Variants in CTNNA3 observed in about 807,000 individuals in gnomAD.
CTNNA3 encodes catenin alpha 3.
CTNNA3 carries 76 observed loss-of-function variants against 95.7 expected under a neutral mutation model. That is an observed-to-expected ratio of 0.79 (90% CI 0.66 to 0.96). The LOEUF (loss-of-function observed/expected upper bound fraction) is 0.96, where lower values mean the gene tolerates loss of function less well. Ranked by LOEUF, CTNNA3 falls within the 40% of genes least tolerant of loss-of-function variation. The probability of loss-of-function intolerance (pLI) is 0.00; values close to 1 mark genes in which losing one functional copy is unlikely to be tolerated. For missense variants in CTNNA3, 1,191 were observed against 1,089.8 expected (o/e 1.09, Z -1.31); for synonymous variants, 431 against 374.4 (o/e 1.15, Z -1.74).
At chr10:67,567,659 G>C (rs187779611) in intron 3 of CTNNA3, among the ~76,000 whole-genome samples, 231 of 152,080 alleles carry the variant, frequency 1.5e-3, no homozygotes, top group Non-Finnish European at 2.5e-3. Context: ...CTATAGCCTC[G>C]GTAGTTATGC....
intron 17 of CTNNA3, among the ~76,000 whole-genome samples, chr10:65,936,628 A>G (rs2077342702): frequency 6.6e-6 from 1 of 152,066 alleles, no homozygotes; most frequent in Non-Finnish European, 1.5e-5. Flanking sequence ...AAGGATCTCA[A>G]ATGCAAGCCA....
chr10:67,015,888 T>TG (rs1852625315), intron 7 of CTNNA3, among the ~76,000 whole-genome samples: 1 of 152,156 alleles, frequency 6.6e-6, no homozygotes, highest in Non-Finnish European at 1.5e-5. Context: ...CTAGTATCTA[T>TG]GCTTGTGACT....
intron 9 of CTNNA3, among the ~76,000 whole-genome samples, chr10:66,646,140 A>G (rs1845699950): frequency 6.6e-6 from 1 of 152,232 alleles, no homozygotes; most frequent in African/African-American, 2.4e-5. Flanking sequence ...AATGAAATTA[A>G]AGAAAGAAAC....
chr10:66,369,509 T>C (rs2092737077), intron 12 of CTNNA3, among the ~76,000 whole-genome samples: 1 of 152,188 alleles, frequency 6.6e-6, no homozygotes, highest in Admixed American at 6.6e-5. Flanking sequence ...TACAGTTTTT[T>C]TGTTTTTCTA....
At chr10:67,076,209 T>C (rs1856740110) in intron 7 of CTNNA3, among the ~76,000 whole-genome samples, 1 of 152,222 alleles carries the variant, frequency 6.6e-6, no homozygotes, top group Admixed American at 6.5e-5. Flanking sequence ...GCACTTAAAA[T>C]AACTGCACTC....
intron 2 of CTNNA3, among the ~76,000 whole-genome samples, chr10:67,646,759 TTG>T (rs1839726462): frequency 6.6e-6 from 1 of 152,042 alleles, no homozygotes; most frequent in Non-Finnish European, 1.5e-5. Flanking sequence ...CCCTCACAAA[TTG>T]TGGGTTAATG....
In CTNNA3 at chr10:66,286,588, G is replaced by C. The variant is rs2091593087; in HGVS notation, c.1733-5967C>G. Reference sequence around the variant, plus strand: ...AGCAAAATGCTGCTCAGTACTCAGAGGGTATCCTGAACTAGAGGAACAGGG... The same window carrying C: ...AGCAAAATGCTGCTCAGTACTCAGACGGTATCCTGAACTAGAGGAACAGGG... On this transcript the variant is annotated intron_variant, in intron 12 of 17. Coordinates refer to ENST00000433211, the MANE Select transcript of CTNNA3 (RefSeq NM_013266.4). 2.6e-5 allele frequency among the ~76,000 whole-genome samples: 4 copies of C among 152,022 alleles called. No homozygotes were observed. In the South Asian group the frequency reaches 8.3e-4, roughly 31 times the overall value.
At chr10:66,427,234 G>T (rs2132653637) in intron 11 of CTNNA3, among the ~76,000 whole-genome samples, 1 of 152,104 alleles carries the variant, frequency 6.6e-6, no homozygotes, top group East Asian at 1.9e-4. Flanking sequence ...CCACATTGGA[G>T]CCCAGGATAC....
At chr10:67,613,629 GC>G (rs60385545) in intron 2 of CTNNA3, among the ~76,000 whole-genome samples, 13,343 of 150,870 alleles carry the variant, frequency 0.088, 1,356 homozygotes, top group African/African-American at 0.25. Context: ...GTCTTTTTTT[GC>G]CCCCCCCAAC....
At chr10:66,046,399 G>A (rs1241520975) in intron 15 of CTNNA3, among the ~76,000 whole-genome samples, 2 of 152,150 alleles carry the variant, frequency 1.3e-5, no homozygotes, top group Admixed American at 6.6e-5. Flanking sequence ...AGTAGCTGCA[G>A]GTCCAGCAAA....
chr10:66,101,182 C>T (rs1291657785), intron 14 of CTNNA3, among the ~76,000 whole-genome samples: 2 of 152,126 alleles, frequency 1.3e-5, no homozygotes, highest in African/African-American at 4.8e-5. Flanking sequence ...GTGATCTCTA[C>T]CAATGATGCC....
intron 5 of CTNNA3, among the ~76,000 whole-genome samples, chr10:67,309,462 A>C (rs1195793991): frequency 6.6e-6 from 1 of 152,180 alleles, no homozygotes; most frequent in African/African-American, 2.4e-5. Context: ...AGGAGAAAAA[A>C]TGATGTGGAC....
intron 11 of CTNNA3, among the ~76,000 whole-genome samples, chr10:66,416,652 A>C (rs2093148730): frequency 6.6e-6 from 1 of 152,026 alleles, no homozygotes; most frequent in Non-Finnish European, 1.5e-5. Flanking sequence ...AGAGAATGGG[A>C]TAATGTATTC....
chr10:66,702,138 TA>T (rs143358471), intron 9 of CTNNA3, among the ~76,000 whole-genome samples: 3 of 147,074 alleles, frequency 2.0e-5, no homozygotes, highest in African/African-American at 5.0e-5. Context: ...ATTTACACAG[TA>T]AAAAAAAAAC....
chr10:66,534,485 T>C (rs1486738337), intron 10 of CTNNA3, among the ~76,000 whole-genome samples: 53 of 13,922 alleles, frequency 3.8e-3, no homozygotes, highest in Middle Eastern at 0.062. Flanking sequence ...TATATATATA[T>C]ATATATATAT....
chr10:66,154,681 G>T (rs1455262046), intron 13 of CTNNA3, among the ~76,000 whole-genome samples: 8 of 109,766 alleles, frequency 7.3e-5, no homozygotes, highest in Non-Finnish European at 1.3e-4. Flanking sequence ...GTAGTTTCTG[G>T]CAATCATCTT....
At chr10:66,819,092 TAA>T (rs35494489) in intron 7 of CTNNA3, among the ~76,000 whole-genome samples, 19 of 110,680 alleles carry the variant, frequency 1.7e-4, no homozygotes, top group Admixed American at 2.0e-4. Context: ...ACTCTTGTCT[TAA>T]AAAAAAAAAA....
intron 7 of CTNNA3, among the ~76,000 whole-genome samples, chr10:66,906,312 T>C (rs1845984850): frequency 6.6e-6 from 1 of 152,160 alleles, no homozygotes; most frequent in Admixed American, 6.6e-5. Context: ...AACCTGGATC[T>C]GATCAAAACT....
chr10:66,149,985 A>G (rs1309648024), intron 13 of CTNNA3, among the ~76,000 whole-genome samples: 1 of 152,188 alleles, frequency 6.6e-6, no homozygotes, highest in Non-Finnish European at 1.5e-5. Context: ...TGAGTTAACA[A>G]TGGACTTGGA....
Sources: gnomAD v4.1 joint callset for allele counts (sites outside exome capture counted in the v4.1 genomes callset) on GRCh38, gnomAD v4.1.1 for gene constraint, MANE v1.5 for transcripts, NCBI Gene and HGNC (gene_info 2026-07-23, HGNC 2026-07-21) for gene names.